The following SPMIP7 variants were observed in gnomAD, a reference collection of about 807,000 sequenced individuals.
SPMIP7 encodes sperm microtubule inner protein 7, also known as protein SPMIP7.
chr7:50,105,087 A>C, the SPMIP7 span, among the ~76,000 whole-genome samples: 1 of 152,222 alleles, frequency 6.6e-6, no homozygotes, highest in Admixed American at 6.5e-5. Flanking sequence ...GAATTTGAGG[A>C]TTATGTTCTT....
At chr7:50,110,191 A>C in the SPMIP7 span, among the ~76,000 whole-genome samples, 1 of 151,686 alleles carries the variant, frequency 6.6e-6, no homozygotes, top group South Asian at 2.1e-4. Context: ...TATTATTTGA[A>C]AGCAACAAAA....
chr7:50,125,117 C>T, the SPMIP7 span, among the ~76,000 whole-genome samples: 18,521 of 42,850 alleles, frequency 0.43, 4,585 homozygotes, highest in Non-Finnish European at 0.49. Context: ...TATATATATA[C>T]ACACACACAC....
chr7:50,141,671 T>A, the SPMIP7 span: 1 of 260,672 alleles, frequency 3.8e-6, no homozygotes, highest in Non-Finnish European at 7.7e-6. Context: ...CGTGGGGGGA[T>A]CAATAATGTT....
At chr7:50,136,185 G>T in the SPMIP7 span, 1 of 1,500,436 alleles carries the variant, frequency 6.7e-7, no homozygotes, top group Non-Finnish European at 9.1e-7. Context: ...ATCTCCTAAA[G>T]TTCTCACACT....
At chr7:50,117,504 C>A in the SPMIP7 span, 2 of 241,600 alleles carry the variant, frequency 8.3e-6, no homozygotes, top group African/African-American at 4.5e-5. Context: ...CTTCTCTTGT[C>A]TCCTAATTTC....
the SPMIP7 span, chr7:50,096,038 A>G: frequency 5.8e-5 from 70 of 1,215,298 alleles, no homozygotes; most frequent in East Asian, 1.8e-3. Flanking sequence ...ATATAAAGGA[A>G]TTATCAGAAA....
At chr7:50,107,593 G>T in the SPMIP7 span, among the ~76,000 whole-genome samples, 1 of 151,918 alleles carries the variant, frequency 6.6e-6, no homozygotes, top group African/African-American at 2.4e-5. Context: ...GAAAAATACA[G>T]AAGTGAAAGT....
At chr7:50,095,977 A>G in the SPMIP7 span, 191 of 682,296 alleles carry the variant, frequency 2.8e-4, 2 homozygotes, top group African/African-American at 3.3e-3. Flanking sequence ...TCAATTTTAT[A>G]CTAGTTTAAC....
At chr7:50,132,664 C>A in the SPMIP7 span, among the ~76,000 whole-genome samples, 2 of 152,026 alleles carry the variant, frequency 1.3e-5, no homozygotes, top group African/African-American at 4.8e-5. Context: ...TGGTAGAAAA[C>A]ATTTAAGACT....
the SPMIP7 span, among the ~76,000 whole-genome samples, chr7:50,140,649 G>C: frequency 6.6e-6 from 1 of 152,204 alleles, no homozygotes; most frequent in African/African-American, 2.4e-5. Context: ...TCTTCTCCTG[G>C]TTTTTAGATG....
At chr7:50,114,279 A>G in the SPMIP7 span, among the ~76,000 whole-genome samples, 1 of 152,166 alleles carries the variant, frequency 6.6e-6, no homozygotes, top group Admixed American at 6.5e-5. Flanking sequence ...GGAGTTCTTT[A>G]CAGTATCACT....
chr7:50,107,892 G>A, the SPMIP7 span, among the ~76,000 whole-genome samples: 1 of 152,102 alleles, frequency 6.6e-6, no homozygotes, highest in Admixed American at 6.6e-5. Flanking sequence ...AGGAGGCAAA[G>A]CAGGAAGAAC....
chr7:50,126,968 A>G, the SPMIP7 span, among the ~76,000 whole-genome samples: 1 of 152,134 alleles, frequency 6.6e-6, no homozygotes, highest in Non-Finnish European at 1.5e-5. Context: ...TGTGCAAAAC[A>G]AGAAAGCTAG....
At chr7:50,138,979 T>C in the SPMIP7 span, among the ~76,000 whole-genome samples, 52 of 152,140 alleles carry the variant, frequency 3.4e-4, no homozygotes, top group African/African-American at 1.2e-3. Context: ...TTGCCAAATG[T>C]GTAAAATACC....
the SPMIP7 span, chr7:50,135,971 A>G: frequency 6.2e-6 from 4 of 645,416 alleles, no homozygotes; most frequent in Non-Finnish European, 1.1e-5. Flanking sequence ...AAGCTTGGAG[A>G]GTGCGTTTCC....
At chr7:50,099,260 C>A in the SPMIP7 span, among the ~76,000 whole-genome samples, 1 of 152,176 alleles carries the variant, frequency 6.6e-6, no homozygotes, top group Non-Finnish European at 1.5e-5. Context: ...TCCTATTCAT[C>A]ATTAAAAGTG....
the SPMIP7 span, chr7:50,141,242 T>C: frequency 3.1e-6 from 4 of 1,288,692 alleles, no homozygotes; most frequent in East Asian, 2.5e-5. Flanking sequence ...ATGTTTCTTA[T>C]ACAGAAATAT....
the SPMIP7 span, among the ~76,000 whole-genome samples, chr7:50,101,008 G>A: frequency 1.3e-5 from 2 of 151,712 alleles, no homozygotes; most frequent in East Asian, 3.9e-4. Context: ...ATTTTTACTG[G>A]AAAAGACACT....
At chr7:50,130,760 G>T in the SPMIP7 span, among the ~76,000 whole-genome samples, 1 of 151,922 alleles carries the variant, frequency 6.6e-6, no homozygotes, top group Admixed American at 6.6e-5. Context: ...ATTTGGAGGA[G>T]TTGAGAGAGC....
Sources: allele counts gnomAD v4.1 joint callset (sites outside exome capture counted in the v4.1 genomes callset), GRCh38; gene constraint gnomAD v4.1.1; transcripts MANE v1.5; gene names NCBI Gene and HGNC (gene_info 2026-07-23, HGNC 2026-07-21).